POU2AF2: variants seen among roughly 807,000 people sequenced by gnomAD.
POU2AF2 encodes POU class 2 homeobox associating factor 2, also known as POU domain class 2-associating factor 2.
chr11:111,264,612 GAA>G, the POU2AF2 span, among the ~76,000 whole-genome samples: 1 of 88,690 alleles, frequency 1.1e-5, no homozygotes, highest in Non-Finnish European at 2.5e-5. Flanking sequence ...AGAGACGAAA[GAA>G]AGAAAGAGAA....
the POU2AF2 span, among the ~76,000 whole-genome samples, chr11:111,247,322 T>G: frequency 6.6e-6 from 1 of 152,300 alleles, no homozygotes; most frequent in Admixed American, 6.5e-5. Flanking sequence ...TGCAGCTATT[T>G]TTACAAGGTG....
the POU2AF2 span, among the ~76,000 whole-genome samples, chr11:111,267,765 T>A: frequency 6.6e-6 from 1 of 152,320 alleles, no homozygotes; most frequent in East Asian, 1.9e-4. Context: ...TCTCTCATAG[T>A]TGTACACACT....
chr11:111,259,158 G>A, the POU2AF2 span, among the ~76,000 whole-genome samples: 10 of 152,156 alleles, frequency 6.6e-5, no homozygotes, highest in Admixed American at 2.6e-4. Flanking sequence ...ACTTTCTCAT[G>A]TGTTGTTTCA....
chr11:111,254,474 A>C, the POU2AF2 span, among the ~76,000 whole-genome samples: 2 of 152,190 alleles, frequency 1.3e-5, no homozygotes, highest in Admixed American at 1.3e-4. Context: ...GAATTTTCAC[A>C]TGTATATCCT....
the POU2AF2 span, among the ~76,000 whole-genome samples, chr11:111,246,405 G>C: frequency 6.6e-6 from 1 of 152,138 alleles, no homozygotes; most frequent in Non-Finnish European, 1.5e-5. Flanking sequence ...TCTTTCCCCG[G>C]ATGTTCATCC....
At chr11:111,266,926 G>A in the POU2AF2 span, among the ~76,000 whole-genome samples, 5 of 152,120 alleles carry the variant, frequency 3.3e-5, no homozygotes, top group South Asian at 2.1e-4. Context: ...GTGAGCTTTG[G>A]AGTGGTCACT....
chr11:111,263,711 G>A, the POU2AF2 span, among the ~76,000 whole-genome samples: 1 of 152,160 alleles, frequency 6.6e-6, no homozygotes, highest in Non-Finnish European at 1.5e-5. Flanking sequence ...GATTACAGGC[G>A]TGAGCCACTG....
the POU2AF2 span, among the ~76,000 whole-genome samples, chr11:111,282,180 G>A: frequency 2.0e-5 from 3 of 152,106 alleles, no homozygotes; most frequent in Non-Finnish European, 4.4e-5. Flanking sequence ...GAAAATCCAT[G>A]CTAAGAGAGC....
the POU2AF2 span, among the ~76,000 whole-genome samples, chr11:111,251,329 A>G: frequency 6.6e-6 from 1 of 152,288 alleles, no homozygotes; most frequent in East Asian, 1.9e-4. Context: ...CACCACAAAG[A>G]CAGGCTGCCA....
At chr11:111,280,063 T>TAC in the POU2AF2 span, among the ~76,000 whole-genome samples, 1 of 124,118 alleles carries the variant, frequency 8.1e-6, no homozygotes, top group South Asian at 2.5e-4. Flanking sequence ...AAAAAATATA[T>TAC]ATATATATAT....
chr11:111,269,155 G>A, the POU2AF2 span, among the ~76,000 whole-genome samples: 24 of 151,810 alleles, frequency 1.6e-4, no homozygotes, highest in African/African-American at 5.8e-4. Flanking sequence ...CATATTGCTT[G>A]TTAACACGGC....
the POU2AF2 span, among the ~76,000 whole-genome samples, chr11:111,273,142 A>G: frequency 1.3e-5 from 2 of 152,246 alleles, no homozygotes; most frequent in South Asian, 4.1e-4. Context: ...TTTAGCCAAC[A>G]CACCAGATTT....
At chr11:111,247,601 C>A in the POU2AF2 span, among the ~76,000 whole-genome samples, 1 of 151,978 alleles carries the variant, frequency 6.6e-6, no homozygotes, top group East Asian at 1.9e-4. Flanking sequence ...TCCTGGCCAA[C>A]ATGGTGAAAC....
the POU2AF2 span, among the ~76,000 whole-genome samples, chr11:111,256,391 G>A: frequency 6.6e-6 from 1 of 152,108 alleles, no homozygotes; most frequent in Non-Finnish European, 1.5e-5. Context: ...TTCATGCTTT[G>A]TTCATCTGCT....
chr11:111,265,321 C>T, the POU2AF2 span, among the ~76,000 whole-genome samples: 4 of 152,160 alleles, frequency 2.6e-5, no homozygotes, highest in Non-Finnish European at 5.9e-5. Context: ...ATTGCACTGT[C>T]ACTTCTTGTT....
chr11:111,253,867 C>T, the POU2AF2 span, among the ~76,000 whole-genome samples: 1 of 152,170 alleles, frequency 6.6e-6, no homozygotes, highest in African/African-American at 2.4e-5. Flanking sequence ...TGTCTTCCTA[C>T]CTATTTTGCC....
the POU2AF2 span, among the ~76,000 whole-genome samples, chr11:111,263,114 G>T: frequency 6.6e-6 from 1 of 152,102 alleles, no homozygotes; most frequent in African/African-American, 2.4e-5. Flanking sequence ...CCCTCATGTT[G>T]TATGTTGGAT....
chr11:111,245,746 G>GAAAGC, the POU2AF2 span: 1 of 398,334 alleles, frequency 2.5e-6, no homozygotes, highest in African/African-American at 2.1e-5. Context: ...TCCCACCAGG[G>GAAAGC]TCAGGCTGAG....
At chr11:111,263,890 C>G in the POU2AF2 span, among the ~76,000 whole-genome samples, 1 of 152,182 alleles carries the variant, frequency 6.6e-6, no homozygotes, top group Non-Finnish European at 1.5e-5. Flanking sequence ...ATAACATCTA[C>G]CTTGCAAGGT....
Sources: gnomAD v4.1 joint callset for allele counts (sites outside exome capture counted in the v4.1 genomes callset) on GRCh38, gnomAD v4.1.1 for gene constraint, MANE v1.5 for transcripts, NCBI Gene and HGNC (gene_info 2026-07-23, HGNC 2026-07-21) for gene names.